The following RANBP2 variants were observed in gnomAD, a reference collection of about 807,000 sequenced individuals.
RANBP2 encodes E3 SUMO-protein ligase RanBP2.
In RANBP2, 57 loss-of-function variants were observed where a neutral mutation model predicts 303.6. The ratio of observed to expected loss-of-function variants is 0.19; its 90% CI spans 0.15 to 0.23. The LOEUF (loss-of-function observed/expected upper bound fraction) is 0.23. RANBP2 is among the 10% of genes least tolerant of loss of function. The pLI is 1.00. For missense variants in RANBP2, 3,138 were observed against 3,780.8 expected, an observed-to-expected ratio of 0.83 and a Z score of 4.46; for synonymous variants, 1,167 against 1,301.5, an observed-to-expected ratio of 0.90 and a Z score of 2.23.
rs368250519 is a variant in RANBP2 at position 108,764,125 on chromosome 2, T to C, written c.3586T>C (p.Cys1196Arg). The change falls in exon 20 of 29, where the codon TGC (cysteine) becomes CGC (arginine). Residue 1196 changes from cysteine (C) to arginine (R), a missense_variant. Cys to Arg is a radical substitution (Grantham distance 180). Transcript: ENST00000283195. Reference protein sequence around the residue: ...TGEEDEEEFFCNRAKLFRFDV... With the variant: ...TGEEDEEEFFRNRAKLFRFDV... ...TGAGGAAGATGAAGAAGAATTCTTTTGCAACCGCGCGAAATTGTTTCGTTT... is the reference window on the plus strand; with the variant it reads ...TGAGGAAGATGAAGAAGAATTCTTTCGCAACCGCGCGAAATTGTTTCGTTT... The C allele has an allele frequency of 3.1e-6, 5 of 1,613,974 alleles. No homozygotes were observed. Among genetic ancestry groups the C allele is most frequent in the African/African-American group, 2.7e-5 (2 of 74,906 alleles).
the RANBP2 span, among the ~76,000 whole-genome samples, chr2:109,039,538 T>C: frequency 6.6e-6 from 1 of 151,860 alleles, no homozygotes; most frequent in Non-Finnish European, 1.5e-5. Flanking sequence ...TTTAGTAGAG[T>C]CAGGGTTTTA....
the RANBP2 span, among the ~76,000 whole-genome samples, chr2:109,041,081 A>G: frequency 1.3e-5 from 2 of 152,140 alleles, no homozygotes; most frequent in African/African-American, 2.4e-5. Context: ...ATAATAAAAA[A>G]AGATATACTT....
chr2:109,700,397 C>T, the RANBP2 span, among the ~76,000 whole-genome samples: 1 of 151,906 alleles, frequency 6.6e-6, no homozygotes, highest in Non-Finnish European at 1.5e-5. Flanking sequence ...TGTGAGACAT[C>T]GATATATATA....
chr2:108,834,152 A>G, the RANBP2 span, among the ~76,000 whole-genome samples: 3 of 151,586 alleles, frequency 2.0e-5, no homozygotes, highest in Admixed American at 1.3e-4. Flanking sequence ...ATCAGAATCA[A>G]TTGCATATTT....
At chr2:108,730,638 T>C in intron 2 of RANBP2, 136 bp from the exon 3 acceptor site, 2 of 1,236,880 alleles carry the variant, frequency 1.6e-6, no homozygotes, top group Non-Finnish European at 2.3e-6. Context: ...CTGAGTTATC[T>C]GTATGAATAG....
chr2:109,560,045 C>G, the RANBP2 span, among the ~76,000 whole-genome samples: 1 of 151,876 alleles, frequency 6.6e-6, no homozygotes, highest in African/African-American at 2.4e-5. Flanking sequence ...CTCAGCCTCC[C>G]AAGTAGCCGG....
At chr2:109,088,989 G>A in the RANBP2 span, among the ~76,000 whole-genome samples, 8 of 152,210 alleles carry the variant, frequency 5.3e-5, no homozygotes, top group African/African-American at 1.9e-4. Flanking sequence ...CATTTAAGAA[G>A]CAGGTCTGCA....
the RANBP2 span, among the ~76,000 whole-genome samples, chr2:108,983,890 C>G: frequency 6.6e-6 from 1 of 152,168 alleles, no homozygotes; most frequent in Non-Finnish European, 1.5e-5. Context: ...ATCTCACACC[C>G]GATGCTGGAA....
At chr2:109,614,071 G>A in the RANBP2 span, 4 of 1,212,214 alleles carry the variant, frequency 3.3e-6, no homozygotes, top group Non-Finnish European at 3.1e-6. Flanking sequence ...CCTCACAGGA[G>A]CTACCCTCGA....
the RANBP2 span, among the ~76,000 whole-genome samples, chr2:108,866,978 A>G: frequency 6.6e-6 from 1 of 152,226 alleles, no homozygotes; most frequent in Admixed American, 6.5e-5. Flanking sequence ...GATTAAAAAG[A>G]TACATGTAAA....
chr2:109,447,790 A>G, the RANBP2 span, among the ~76,000 whole-genome samples: 1 of 152,238 alleles, frequency 6.6e-6, no homozygotes, highest in African/African-American at 2.4e-5. Flanking sequence ...AGGGAGCTGT[A>G]TCTTTTCATA....
chr2:108,769,889 C>A lies in RANBP2; in HGVS notation c.7849+1501C>A, dbSNP rs1027826603. ...ACAGGTTAGGGAAGTGAAATCTCAC[C>A]CTTAGTGACCAGTAACACATCTTAG... On this transcript the variant is annotated intron_variant, in intron 20 of 28. Transcript: ENST00000283195. 9.2e-5 allele frequency among the ~76,000 whole-genome samples: 14 copies of A among 151,864 alleles called. 1 individual carries two copies. In the South Asian group the frequency reaches 2.1e-3, roughly 23 times the overall value.
At chr2:109,217,224 A>G in the RANBP2 span, among the ~76,000 whole-genome samples, 11 of 152,200 alleles carry the variant, frequency 7.2e-5, no homozygotes, top group African/African-American at 2.7e-4. Flanking sequence ...TCTGGGAGCA[A>G]TCACTCTTTT....
At chr2:109,687,192 G>A in the RANBP2 span, among the ~76,000 whole-genome samples, 18 of 152,168 alleles carry the variant, frequency 1.2e-4, no homozygotes, top group East Asian at 1.4e-3. Flanking sequence ...TGCCTTGCCC[G>A]CCACTTGTAG....
At chr2:108,787,692 C>T (rs1679130637), downstream of RANBP2, among the ~76,000 whole-genome samples, 1 of 151,580 alleles carries the variant, frequency 6.6e-6, no homozygotes, top group African/African-American at 2.4e-5. Context: ...GGTTCACAGC[C>T]TTTGTTTTCT....
chr2:109,532,008 C>T, the RANBP2 span, among the ~76,000 whole-genome samples: 1 of 152,214 alleles, frequency 6.6e-6, no homozygotes, highest in South Asian at 2.1e-4. Flanking sequence ...AAAGTGAATA[C>T]ACAGTTGCCT....
chr2:109,234,024 G>T, the RANBP2 span, among the ~76,000 whole-genome samples: 1 of 152,160 alleles, frequency 6.6e-6, no homozygotes, highest in Non-Finnish European at 1.5e-5. Context: ...TGACATGAAG[G>T]TTTTTGTGTT....
the RANBP2 span, among the ~76,000 whole-genome samples, chr2:108,823,690 G>T: frequency 6.6e-6 from 1 of 152,142 alleles, no homozygotes; most frequent in African/African-American, 2.4e-5. Context: ...ATAAAAAAGG[G>T]TGCACCTGGG....
the RANBP2 span, among the ~76,000 whole-genome samples, chr2:109,235,536 AG>A: frequency 1.3e-5 from 2 of 152,254 alleles, no homozygotes; most frequent in Admixed American, 1.3e-4. Flanking sequence ...GAGAGCAAGA[AG>A]CAGGTGCTGC....
Sources: allele counts gnomAD v4.1 joint callset (sites outside exome capture counted in the v4.1 genomes callset), GRCh38; gene constraint gnomAD v4.1.1; transcripts MANE v1.5; gene names NCBI Gene and HGNC (gene_info 2026-07-23, HGNC 2026-07-21).